Variants in WASHC2A observed in about 807,000 individuals in gnomAD.
WASHC2A encodes WASH complex subunit 2A.
In WASHC2A, 82 loss-of-function variants were observed where a neutral mutation model predicts 140.3. That is an observed-to-expected ratio of 0.58 (90% CI 0.49 to 0.70). WASHC2A has a LOEUF of 0.70. Ranked by LOEUF, WASHC2A falls within the 30% of genes least tolerant of loss-of-function variation. The probability of loss-of-function intolerance (pLI) is 0.00; values close to 1 mark genes in which losing one functional copy is unlikely to be tolerated. For missense variants in WASHC2A, 985 were observed against 1,521.8 expected (o/e 0.65, Z 5.87); for synonymous variants, 340 against 560.8 (o/e 0.61, Z 5.56).
At chr10:50,088,199 C>T (rs1283847942) in intron 8 of WASHC2A, among the ~76,000 whole-genome samples, 1 of 149,134 alleles carries the variant, frequency 6.7e-6, no homozygotes, top group African/African-American at 2.4e-5. Context: ...CTGTCATAGT[C>T]TCTAAATGTA....
chr10:50,071,908 T>A (rs1258958350), intron 3 of WASHC2A, among the ~76,000 whole-genome samples: 1 of 140,210 alleles, frequency 7.1e-6, no homozygotes, highest in East Asian at 2.1e-4. Context: ...TAGCCTTAGC[T>A]TTTTTTTTTT....
intron 3 of WASHC2A, among the ~76,000 whole-genome samples, chr10:50,077,220 G>A (rs1589152836): frequency 6.6e-6 from 1 of 152,166 alleles, no homozygotes; most frequent in East Asian, 1.9e-4. Flanking sequence ...TTTGAGCCTG[G>A]GAGGTGGAGG....
intron 15 of WASHC2A, 104 bp downstream of exon 15, chr10:50,095,882 C>T: frequency 6.8e-7 from 1 of 1,471,370 alleles, no homozygotes; most frequent in South Asian, 1.3e-5. Context: ...GTGCCAGAAT[C>T]CCTTCTCCAG....
At chr10:50,103,220 A>C (rs1841389777) in intron 17 of WASHC2A, among the ~76,000 whole-genome samples, 2 of 151,792 alleles carry the variant, frequency 1.3e-5, no homozygotes, top group African/African-American at 4.8e-5. Flanking sequence ...TAAGCTAAGT[A>C]GACTAGCAAA....
Position 50,118,065 on chromosome 10 carries a change from T to C in WASHC2A, c.2295+7T>C. The C allele has an allele frequency of 1.9e-6, 3 of 1,608,108 alleles. No individual in the cohort carries two copies. In the Admixed American group the frequency reaches 5.1e-5, roughly 27 times the overall value. Reference sequence around the variant, plus strand: ...TGTGGCTGAGTCAGAAAAGGTGGACTTTTTTCTCTTGTATACTTGAATGCA... The same window carrying C: ...TGTGGCTGAGTCAGAAAAGGTGGACCTTTTTCTCTTGTATACTTGAATGCA... On this transcript the variant is annotated splice_region_variant and intron_variant, in intron 22 of 30. Coordinates refer to ENST00000282633, the MANE Select transcript of WASHC2A (RefSeq NM_001005751.3).
At chr10:50,075,798 A>G (rs1838258891) in intron 3 of WASHC2A, among the ~76,000 whole-genome samples, 1 of 152,050 alleles carries the variant, frequency 6.6e-6, no homozygotes, top group Non-Finnish European at 1.5e-5. Flanking sequence ...TAAATACTGC[A>G]GATTTCTAAT....
chr10:50,075,178 TTAA>T (rs1226905870), intron 3 of WASHC2A, among the ~76,000 whole-genome samples: 15 of 152,012 alleles, frequency 9.9e-5, no homozygotes, highest in African/African-American at 2.2e-4. Context: ...CATAATTTAT[TTAA>T]TAATCTTCTA....
chr10:50,115,475 C>T (rs1369605334), intron 21 of WASHC2A, among the ~76,000 whole-genome samples: 5 of 127,208 alleles, frequency 3.9e-5, no homozygotes, highest in African/African-American at 8.7e-5. Flanking sequence ...AGTGAAGCAA[C>T]GGTGACTTTC....
intron 3 of WASHC2A, among the ~76,000 whole-genome samples, chr10:50,072,625 G>A (rs1837962117): frequency 6.6e-6 from 1 of 151,170 alleles, no homozygotes; most frequent in African/African-American, 2.4e-5. Flanking sequence ...TAGCTGGGAT[G>A]ACAGGCACCC....
Position 50,080,020 on chromosome 10 carries a change from T to C in WASHC2A, c.355-738T>C, listed in dbSNP as rs1342712743. Among the ~76,000 whole-genome samples, 4 of 151,384 alleles carry C rather than the reference T, an allele frequency of 2.6e-5. No individual in the cohort carries two copies. In the East Asian group the frequency reaches 7.9e-4, roughly 30 times the overall value. ...TGGCCCTCAGAACAACACTGTGTGG[T>C]TTGGTTCCTTCTAGAATATTTGTAG... On this transcript the variant is annotated intron_variant, in intron 4 of 30. Coordinates refer to ENST00000282633, the MANE Select transcript of WASHC2A (RefSeq NM_001005751.3).
At chr10:50,104,599 C>T (rs1372067429) in intron 18 of WASHC2A, among the ~76,000 whole-genome samples, 6 of 152,060 alleles carry the variant, frequency 3.9e-5, no homozygotes, top group South Asian at 2.1e-4. Flanking sequence ...TCAGGTGATC[C>T]GCCTGCCTCG....
intron 17 of WASHC2A, among the ~76,000 whole-genome samples, chr10:50,101,862 G>A (rs534738347): frequency 5.3e-5 from 8 of 150,534 alleles, no homozygotes; most frequent in Non-Finnish European, 1.0e-4. Context: ...GGGGCCCCTG[G>A]GACATCTCTC....
At position 50,127,515 on chromosome 10, in the gene WASHC2A, G is replaced by T. The variant is rs1468823532; in HGVS notation, c.2875-68G>T. On this transcript the variant is annotated intron_variant, in intron 27 of 30. Coordinates refer to ENST00000282633, the MANE Select transcript of WASHC2A (RefSeq NM_001005751.3). ...CATTATGTGCACCGAATCTTGTCAT[G>T]TGTCACAATAAAGATAATAGACTGC... 5.0e-6 allele frequency: 8 copies of T among 1,611,652 alleles called. No individual in the cohort carries two copies. In the Admixed American group the frequency reaches 1.3e-4, roughly 27 times the overall value.
chr10:50,127,557 TAC>T (rs1846491162), intron 27 of WASHC2A, 24 bp from the exon 28 acceptor site: 3 of 1,583,168 alleles, frequency 1.9e-6, no homozygotes, highest in Admixed American at 1.7e-5. Flanking sequence ...GAAGAACAAA[TAC>T]AGAGTTTCAT....
chr10:50,102,637 T>A (rs1339854681), intron 17 of WASHC2A, among the ~76,000 whole-genome samples: 1 of 146,224 alleles, frequency 6.8e-6, no homozygotes, highest in Non-Finnish European at 1.5e-5. Context: ...AGGTCTATAT[T>A]TAGGAGTAGA....
chr10:50,105,920 A>G (rs1487873209), intron 18 of WASHC2A, among the ~76,000 whole-genome samples: 1 of 150,902 alleles, frequency 6.6e-6, no homozygotes, highest in East Asian at 2.0e-4. Flanking sequence ...CCTTTCAGCC[A>G]TTGTTCTGGT....
rs1843510150 is a variant in WASHC2A at position 50,127,175 on chromosome 10, G to A, written c.2827G>A (p.Ala943Thr). The A allele has an allele frequency of 9.3e-6, 15 of 1,611,978 alleles. No homozygotes were observed. The East Asian group carries it at 1.1e-4, about 12-fold the overall frequency. Reference protein sequence around the residue: ...PETPQDSSGLAPFKTKEPSTR... With the variant: ...PETPQDSSGLTPFKTKEPSTR... ...TTTTACACAGGACTCATCAGGTCTC[G>A]CTCCATTTAAAACCAAAGAACCATC... Residue 943 changes from alanine to threonine, a missense_variant, in exon 27 of 31, where the codon GCT (alanine) becomes ACT (threonine). Coordinates refer to ENST00000282633, the MANE Select transcript of WASHC2A (RefSeq NM_001005751.3).
At chr10:50,098,106 C>T (rs1275422075) in intron 16 of WASHC2A, among the ~76,000 whole-genome samples, 1 of 151,918 alleles carries the variant, frequency 6.6e-6, no homozygotes, top group Non-Finnish European at 1.5e-5. Flanking sequence ...GTCATTGTGA[C>T]ATTCTACCCC....
chr10:50,091,786 C>G (rs1839954279), intron 10 of WASHC2A, among the ~76,000 whole-genome samples: 1 of 152,106 alleles, frequency 6.6e-6, no homozygotes, highest in South Asian at 2.1e-4. Context: ...AATAGAAACT[C>G]CAGAGAACCA....
Sources: allele counts gnomAD v4.1 joint callset (sites outside exome capture counted in the v4.1 genomes callset), GRCh38; gene constraint gnomAD v4.1.1; transcripts MANE v1.5; gene names NCBI Gene and HGNC (gene_info 2026-07-23, HGNC 2026-07-21).